Variants in TSPAN5 observed in about 807,000 individuals in gnomAD.
The protein encoded by TSPAN5 is tetraspanin-5.
In TSPAN5, 10 loss-of-function variants were observed where a neutral mutation model predicts 37.1. That is an observed-to-expected ratio of 0.27 (90% CI 0.17 to 0.46). TSPAN5 has a LOEUF of 0.46. Ranked by LOEUF, TSPAN5 falls within the 20% of genes least tolerant of loss-of-function variation. TSPAN5 has a pLI of 1.00. For synonymous variants in TSPAN5, 110 were observed against 118.9 expected, an observed-to-expected ratio of 0.93 and a Z score of 0.48; for missense variants, 195 against 326.6, an observed-to-expected ratio of 0.60 and a Z score of 3.11.
At chr4:98,591,818 C>T (rs576908214) in intron 1 of TSPAN5, among the ~76,000 whole-genome samples, 1 of 151,888 alleles carries the variant, frequency 6.6e-6, no homozygotes, top group South Asian at 2.1e-4. Flanking sequence ...AAGTTTAATG[C>T]AATTCCAATC....
intron 1 of TSPAN5, among the ~76,000 whole-genome samples, chr4:98,645,085 C>T (rs1757034462): frequency 6.6e-6 from 1 of 152,198 alleles, no homozygotes; most frequent in South Asian, 2.1e-4. Flanking sequence ...TAGAACGTGG[C>T]ATTAAATATC....
intron 4 of TSPAN5, among the ~76,000 whole-genome samples, chr4:98,480,170 G>C (rs920631413): frequency 1.3e-5 from 2 of 152,122 alleles, no homozygotes; most frequent in Admixed American, 6.5e-5. Context: ...CCGCAATAAT[G>C]GAGGTATAAC....
intron 4 of TSPAN5, among the ~76,000 whole-genome samples, chr4:98,480,083 T>C (rs957766186): frequency 9.9e-5 from 15 of 152,168 alleles, no homozygotes; most frequent in Non-Finnish European, 2.2e-4. Flanking sequence ...ATCTTGTGTG[T>C]GTCTATTATT....
At position 98,582,349 on chromosome 4, in the gene TSPAN5, C is replaced by T. The variant is rs990967236; in HGVS notation, c.82-74621G>A. Among the ~76,000 whole-genome samples the T allele has an allele frequency of 6.6e-5, 10 of 152,250 alleles. No individual in the cohort carries two copies. The South Asian group carries it at 1.0e-3, about 16-fold the overall frequency. ...GGGACCCAGAGGACAGCAGCTCAGACGCTGACCAGGATGCTGAGCCTTAAC... is the reference window on the plus strand; with the variant it reads ...GGGACCCAGAGGACAGCAGCTCAGATGCTGACCAGGATGCTGAGCCTTAAC... On this transcript the variant is annotated intron_variant, in intron 1 of 7. Transcript: ENST00000305798.
At chr4:98,565,446 C>A (rs1160642588) in intron 1 of TSPAN5, among the ~76,000 whole-genome samples, 2 of 147,756 alleles carry the variant, frequency 1.4e-5, no homozygotes, top group African/African-American at 5.0e-5. Flanking sequence ...CCTTAAAGAA[C>A]TGAGGAGAAA....
intron 1 of TSPAN5, among the ~76,000 whole-genome samples, chr4:98,638,288 T>G (rs1756899111): frequency 6.6e-6 from 1 of 152,158 alleles, no homozygotes; most frequent in Non-Finnish European, 1.5e-5. Flanking sequence ...GATGCCTTGG[T>G]CTCCCTTGGC....
chr4:98,570,724 C>T (rs1373845781), intron 1 of TSPAN5, among the ~76,000 whole-genome samples: 2 of 152,078 alleles, frequency 1.3e-5, no homozygotes, highest in African/African-American at 4.8e-5. Flanking sequence ...CACATGAAGC[C>T]ATATTTGCCT....
At chr4:98,528,453 T>G (rs1029568582) in intron 1 of TSPAN5, among the ~76,000 whole-genome samples, 1 of 150,226 alleles carries the variant, frequency 6.7e-6, no homozygotes, top group Non-Finnish European at 1.5e-5. Context: ...AACACTGATG[T>G]AGGCATCCAG....
chr4:98,566,411 C>T (rs1755005852), intron 1 of TSPAN5, among the ~76,000 whole-genome samples: 1 of 152,070 alleles, frequency 6.6e-6, no homozygotes, highest in African/African-American at 2.4e-5. Context: ...AAAAAATATC[C>T]ATTAATGAAA....
intron 1 of TSPAN5, among the ~76,000 whole-genome samples, chr4:98,623,158 T>C (rs10032428): frequency 0.01 from 1,566 of 152,296 alleles, 35 homozygotes; most frequent in African/African-American, 0.036. Context: ...TTAAACTACT[T>C]GACCTGTTAT....
At chr4:98,646,560 T>C (rs1461547743) in intron 1 of TSPAN5, among the ~76,000 whole-genome samples, 1 of 151,968 alleles carries the variant, frequency 6.6e-6, no homozygotes, top group Non-Finnish European at 1.5e-5. Flanking sequence ...GCAAAGAAAA[T>C]AGTGAATGTA....
intron 2 of TSPAN5, among the ~76,000 whole-genome samples, chr4:98,505,943 C>T (rs531187767): frequency 6.6e-4 from 100 of 152,238 alleles, no homozygotes; most frequent in Admixed American, 6.5e-3. Context: ...CCCTAAAGAC[C>T]GCATCAACCC....
intron 1 of TSPAN5, among the ~76,000 whole-genome samples, chr4:98,517,277 T>C (rs764932339): frequency 2.0e-5 from 3 of 152,124 alleles, no homozygotes; most frequent in Non-Finnish European, 4.4e-5. Flanking sequence ...GTAAGGAATA[T>C]ATAATTCAGC....
chr4:98,544,624 C>T (rs1754429314), intron 1 of TSPAN5, among the ~76,000 whole-genome samples: 1 of 152,022 alleles, frequency 6.6e-6, no homozygotes, highest in Non-Finnish European at 1.5e-5. Flanking sequence ...CTGTTCATAA[C>T]GACGGCAACA....
chr4:98,634,272 G>A (rs894660951), intron 1 of TSPAN5, among the ~76,000 whole-genome samples: 1 of 152,118 alleles, frequency 6.6e-6, no homozygotes, highest in African/African-American at 2.4e-5. Context: ...GGGAGTGGCA[G>A]GGCTCTTCCA....
intron 1 of TSPAN5, among the ~76,000 whole-genome samples, chr4:98,537,043 T>C (rs557096186): frequency 2.6e-4 from 39 of 152,154 alleles, no homozygotes; most frequent in African/African-American, 9.4e-4. Context: ...TACTGGGGTA[T>C]GGAAAAAAAG....
chr4:98,589,847 G>C (rs1755584938), intron 1 of TSPAN5, among the ~76,000 whole-genome samples: 1 of 152,088 alleles, frequency 6.6e-6, no homozygotes, highest in Non-Finnish European at 1.5e-5. Flanking sequence ...GCCTAGCATG[G>C]GAATGTCTCT....
At chr4:98,629,057 T>G (rs912439330) in intron 1 of TSPAN5, among the ~76,000 whole-genome samples, 1 of 152,226 alleles carries the variant, frequency 6.6e-6, no homozygotes, top group Non-Finnish European at 1.5e-5. Context: ...CTAGCCATCA[T>G]AGTTATTTAT....
intron 1 of TSPAN5, among the ~76,000 whole-genome samples, chr4:98,626,107 A>G (rs1756593947): frequency 6.6e-6 from 1 of 152,202 alleles, no homozygotes; most frequent in Non-Finnish European, 1.5e-5. Flanking sequence ...GCTGTTGACA[A>G]CACAGGTGAG....
Sources: allele counts gnomAD v4.1 joint callset (sites outside exome capture counted in the v4.1 genomes callset), GRCh38; gene constraint gnomAD v4.1.1; transcripts MANE v1.5; gene names NCBI Gene and HGNC (gene_info 2026-07-23, HGNC 2026-07-21).